The following HEATR4 variants were observed in gnomAD, a reference collection of about 807,000 sequenced individuals.
The protein encoded by HEATR4 is HEAT repeat containing 4, also known as HEAT repeat-containing protein 4.
In HEATR4, 95 loss-of-function variants were observed where a neutral mutation model predicts 108.8. That is an observed-to-expected ratio of 0.87 (90% CI 0.74 to 1.04). The LOEUF is 1.04. Among genes scored for constraint, HEATR4 ranks in the 50% least tolerant of loss-of-function variants. The probability of loss-of-function intolerance (pLI) is 0.00; values close to 1 mark genes in which losing one functional copy is unlikely to be tolerated. For synonymous variants in HEATR4, 443 were observed against 459.4 expected (o/e 0.96, Z 0.46); for missense variants, 1,152 against 1,253.8 (o/e 0.92, Z 1.23).
rs1391745124 is a variant in HEATR4 at position 73,537,953 on chromosome 14, C to T, written c.-151-7709G>A. On this transcript the variant is annotated intron_variant, in intron 1 of 17. Transcript: ENST00000553558. ...CTTTCCACTGTGTGTGTGTGTGTGT[C>T]CCCTTCGCCCCGCCCCGCTCTTTTC... 6 of 1,026,816 alleles carry T rather than the reference C, an allele frequency of 5.8e-6. 1 individual carries two copies. The highest frequency in any genetic ancestry group is 7.4e-6 in the Non-Finnish European group (6 of 808,078). 63.6% of individuals were successfully genotyped at this position (1,026,816 alleles called of 1,614,324 possible).
chr14:73,563,332 C>T (rs765329208), upstream of HEATR4, among the ~76,000 whole-genome samples: 7 of 152,044 alleles, frequency 4.6e-5, 1 homozygote, highest in Non-Finnish European at 7.4e-5. Flanking sequence ...CAGTGGCTCA[C>T]GCCTATAATC....
At chr14:73,612,578 G>A in the HEATR4 span, 1 of 1,399,990 alleles carries the variant, frequency 7.1e-7, no homozygotes, top group Non-Finnish European at 9.4e-7. Context: ...TGGGATGGCA[G>A]CGACGCTGAT....
chr14:73,491,808 C>T (rs746407846), intron 17 of HEATR4: 1 of 1,599,626 alleles, frequency 6.3e-7, no homozygotes, highest in Admixed American at 1.7e-5. Flanking sequence ...CATTTGGACG[C>T]CGCTCGCTAC....
intron 1 of HEATR4, among the ~76,000 whole-genome samples, chr14:73,532,553 ACTG>A (rs149611060): frequency 0.053 from 6,082 of 115,148 alleles, 1,536 homozygotes; most frequent in African/African-American, 0.17. Context: ...TCCAGGCAAG[ACTG>A]CTGCTGCTGA....
chr14:73,565,990 G>C, the HEATR4 span, among the ~76,000 whole-genome samples: 1 of 152,046 alleles, frequency 6.6e-6, no homozygotes, highest in African/African-American at 2.4e-5. Context: ...TGATTGGTGC[G>C]TTTACAATTC....
rs780877750 is a variant in HEATR4, at chr14:73,520,958, C to T, written c.963G>A (p.Thr321=). 23 of 1,613,686 alleles carry T rather than the reference C, an allele frequency of 1.4e-5. No homozygotes were observed. Among genetic ancestry groups the T allele is most frequent in the East Asian group, 4.5e-5 (2 of 44,862 alleles). Reference sequence around the variant, plus strand: ...TCTGGGTTTGGGGCTGGGAGAGGCTCGTCTTTTCATGGATATCCTCAGTGC... The same window carrying T: ...TCTGGGTTTGGGGCTGGGAGAGGCTTGTCTTTTCATGGATATCCTCAGTGC... The part of the protein sequence containing the change: ...NKSTEDIHEK[T]SLSQPQTQSY... The change falls in exon 4 of 18, where the codon ACG becomes ACA. Residue 321 remains threonine (T), a synonymous_variant. Coordinates refer to ENST00000553558, the MANE Select transcript of HEATR4 (RefSeq NM_001220484.1).
intron 1 of HEATR4, among the ~76,000 whole-genome samples, chr14:73,530,794 ATTTTTTTTT>A (rs59208614): frequency 3.5e-5 from 2 of 57,770 alleles, no homozygotes; most frequent in African/African-American, 6.7e-5. Flanking sequence ...TCTCGGTTAA[ATTTTTTTTT>A]TTTTTTTTTT....
chr14:73,591,911 T>G, the HEATR4 span: 5 of 1,343,802 alleles, frequency 3.7e-6, no homozygotes, highest in Non-Finnish European at 4.8e-6. Flanking sequence ...GCCACGATCT[T>G]GGACGGGTCT....
chr14:73,582,443 G>A, the HEATR4 span: 1 of 151,300 alleles, frequency 6.6e-6, no homozygotes, highest in Non-Finnish European at 1.5e-5. Context: ...GTGTTCTCAG[G>A]ATGCAGCGAC....
the HEATR4 span, among the ~76,000 whole-genome samples, chr14:73,564,038 C>T: frequency 2.0e-5 from 3 of 151,560 alleles, no homozygotes; most frequent in East Asian, 3.9e-4. Context: ...CGGTGACTCA[C>T]GACTGTAGTC....
the HEATR4 span, among the ~76,000 whole-genome samples, chr14:73,629,305 G>A: frequency 6.6e-6 from 1 of 152,146 alleles, no homozygotes; most frequent in Non-Finnish European, 1.5e-5. Flanking sequence ...CCTTTTATAT[G>A]CACTGGGAAA....
the HEATR4 span, chr14:73,591,688 G>C: frequency 5.2e-6 from 2 of 381,336 alleles, no homozygotes; most frequent in South Asian, 1.3e-4. Flanking sequence ...GAGGCAGAGA[G>C]GCTTTCTACG....
the HEATR4 span, among the ~76,000 whole-genome samples, chr14:73,577,099 A>ACT: frequency 7.9e-5 from 12 of 151,264 alleles, no homozygotes; most frequent in Admixed American, 2.6e-4. Context: ...TGCCTGGCTA[A>ACT]TTTTTAATTT....
chr14:73,619,220 T>G, the HEATR4 span: 8 of 1,536,498 alleles, frequency 5.2e-6, no homozygotes, highest in Non-Finnish European at 7.0e-6. Context: ...TTTCCTTCTC[T>G]TTTTCCTCAA....
chr14:73,536,898 A>G (rs1454719578), intron 1 of HEATR4, among the ~76,000 whole-genome samples: 4 of 114,978 alleles, frequency 3.5e-5, no homozygotes, highest in Admixed American at 2.9e-4. Flanking sequence ...ATTATTCAAC[A>G]AAGTGATCAA....
intron 17 of HEATR4, chr14:73,491,305 A>G: frequency 1.3e-6 from 2 of 1,531,252 alleles, no homozygotes; most frequent in Non-Finnish European, 8.8e-7. Context: ...GGCGAGAGCC[A>G]TACGGCCACC....
chr14:73,493,813 G>A (rs1273704197), intron 16 of HEATR4, among the ~76,000 whole-genome samples: 1 of 152,166 alleles, frequency 6.6e-6, no homozygotes, highest in African/African-American at 2.4e-5. Context: ...ATTCCAGCCT[G>A]GGCAACAGAG....
the HEATR4 span, chr14:73,569,927 CT>C: frequency 4.5e-6 from 7 of 1,568,598 alleles, no homozygotes; most frequent in Non-Finnish European, 6.0e-6. Context: ...TCGCCTTTCA[CT>C]TTGTGTGTCT....
At chr14:73,485,772 G>T (rs1885427668) in intron 17 of HEATR4, among the ~76,000 whole-genome samples, 1 of 151,852 alleles carries the variant, frequency 6.6e-6, no homozygotes, top group Non-Finnish European at 1.5e-5. Context: ...ACTCAGGTGA[G>T]GCACAAGAAT....
Sources: gnomAD v4.1 joint callset for allele counts (sites outside exome capture counted in the v4.1 genomes callset) on GRCh38, gnomAD v4.1.1 for gene constraint, MANE v1.5 for transcripts, NCBI Gene and HGNC (gene_info 2026-07-23, HGNC 2026-07-21) for gene names.